Variants in C16orf96 observed in about 807,000 individuals in gnomAD.
The protein encoded by C16orf96 is chromosome 16 open reading frame 96.
In C16orf96, 108 loss-of-function variants were observed where a neutral mutation model predicts 103.6. The ratio of observed to expected loss-of-function variants is 1.04; its 90% confidence interval spans 0.89 to 1.22. C16orf96 has a LOEUF of 1.22. Among genes scored for constraint, C16orf96 ranks in the 50% most tolerant of loss-of-function variants. The probability of loss-of-function intolerance (pLI) is 0.00; values close to 1 mark genes in which losing one functional copy is unlikely to be tolerated. For missense variants in C16orf96, 1,586 were observed against 1,464.2 expected (o/e 1.08, Z -1.36); for synonymous variants, 566 against 593.5 (o/e 0.95, Z 0.67).
rs1240998730 is a variant in C16orf96 at position 4,600,115 on chromosome 16, C to T, written c.3224C>T (p.Ser1075Phe). Residue 1075 changes from serine to phenylalanine, a missense_variant, in exon 16 of 16, where the codon TCC becomes TTC. Transcript: ENST00000444310. ...GAICPPLCPRSSACSAASGPH... is the reference protein window; with the variant it reads ...GAICPPLCPRFSACSAASGPH... ...CCCTCCCCAGCCCTGTGCCCCCGCT[C>T]CAGTGCCTGCTCAGCTGCCTCGGGC... 1.3e-6 allele frequency: 2 copies of T among 1,551,746 alleles called. No homozygotes were observed. The highest frequency in any genetic ancestry group is 2.0e-5 in the Admixed American group (1 of 51,018).
At position 4,592,368 on chromosome 16, in the gene C16orf96, G is replaced by C. The variant is rs201096343; in HGVS notation, c.2774+1G>C. 1 of 1,551,592 alleles carries C rather than the reference G, an allele frequency of 6.4e-7. No homozygotes were observed. Among genetic ancestry groups the C allele is most frequent in the Non-Finnish European group, 8.7e-7 (1 of 1,146,984 alleles). Reference sequence around the variant, plus strand: ...GGCCTGTGGAGATGATGACTGGCCCGTGAGTACCACCGCCCAGGGTGCCCC... The same window carrying C: ...GGCCTGTGGAGATGATGACTGGCCCCTGAGTACCACCGCCCAGGGTGCCCC... On this transcript the variant is annotated splice_donor_variant, in intron 11 of 15. Transcript: ENST00000444310. LOFTEE classifies it high-confidence loss of function.
At position 4,575,996 on chromosome 16, in the gene C16orf96, G is replaced by T. The variant is rs1421510984; in HGVS notation, c.1516G>T (p.Asp506Tyr). Reference protein sequence around the residue: ...DVDPKDRAHKDDVPKDRGGKD... With the variant: ...DVDPKDRAHKYDVPKDRGGKD... ...GGACCCCAAGGATAGAGCTCACAAG[G>T]ATGATGTCCCCAAAGATAGAGGTGG... The change falls in exon 5 of 16, where the codon GAT (aspartate) becomes TAT (tyrosine). Residue 506 changes from aspartate (D) to tyrosine (Y), a missense_variant. Physicochemically the swap from Asp to Tyr is radical, Grantham distance 160 (BLOSUM62 -3). Coordinates refer to ENST00000444310, the MANE Select transcript of C16orf96 (RefSeq NM_001145011.2). The T allele has an allele frequency of 1.9e-6, 3 of 1,550,168 alleles. No individual in the cohort carries two copies. The East Asian group carries it at 7.3e-5, about 38-fold the overall frequency.
At chr16:4,547,689 C>CTTTCT in the C16orf96 span, among the ~76,000 whole-genome samples, 65 of 22,590 alleles carry the variant, frequency 2.9e-3, 2 homozygotes, top group African/African-American at 6.3e-3. Flanking sequence ...TCCTTCCTTC[C>CTTTCT]TTCTTTCTTT....
chr16:4,566,342 A>G (rs1239085740), intron 1 of C16orf96, among the ~76,000 whole-genome samples: 1 of 152,202 alleles, frequency 6.6e-6, no homozygotes, highest in African/African-American at 2.4e-5. Flanking sequence ...AACAGCACTT[A>G]GTATCTGACT....
At chr16:4,558,045 G>A (rs770164355) in intron 1 of C16orf96, among the ~76,000 whole-genome samples, 6 of 152,202 alleles carry the variant, frequency 3.9e-5, no homozygotes, top group African/African-American at 1.2e-4. Context: ...GAACAGGCAC[G>A]CCCGGCCTAG....
chr16:4,576,006 C>T lies in C16orf96; in HGVS notation c.1526C>T (p.Pro509Leu), dbSNP rs1344696055. ...PKDRAHKDDV[P>L]KDRGGKDVDP... ...GATAGAGCTCACAAGGATGATGTCC[C>T]CAAAGATAGAGGTGGCAAGGATGTG... is the stretch of plus-strand genomic sequence containing the variant. Residue 509 changes from proline to leucine, a missense_variant, in exon 5 of 16, where the codon CCC becomes CTC. Coordinates refer to ENST00000444310, the MANE Select transcript of C16orf96 (RefSeq NM_001145011.2). 1 of 1,550,900 alleles carries T rather than the reference C, an allele frequency of 6.4e-7. No individual in the cohort carries two copies. The highest frequency in any genetic ancestry group is 1.4e-5 in the African/African-American group (1 of 72,946).
intron 7 of C16orf96, among the ~76,000 whole-genome samples, chr16:4,581,141 C>CACATAT (rs71402548): frequency 2.1e-5 from 1 of 46,752 alleles, no homozygotes; most frequent in African/African-American, 5.7e-5. Context: ...TATATGTATA[C>CACATAT]ATATATATAT....
chr16:4,580,039 G>C lies in C16orf96; in HGVS notation c.2266G>C (p.Gly756Arg). 6.4e-7 allele frequency: 1 copy of C among 1,551,206 alleles called. No individual in the cohort carries two copies. Among genetic ancestry groups the C allele is most frequent in the African/African-American group, 1.4e-5 (1 of 73,112 alleles). The change falls in exon 7 of 16, where the codon GGC (glycine) becomes CGC (arginine). Residue 756 changes from glycine to arginine, a missense_variant. Gly to Arg is a moderately radical substitution (Grantham distance 125). Transcript: ENST00000444310. ...LKEEELERIW[G>R]NQIEMMKDRY... Reference sequence around the variant, plus strand: ...GGAGGAAGAACTTGAGAGAATTTGGGGCAACCAAATAGAGATGATGAAGGA... The same window carrying C: ...GGAGGAAGAACTTGAGAGAATTTGGCGCAACCAAATAGAGATGATGAAGGA...
rs2059493648 is a variant in C16orf96 at position 4,575,534 on chromosome 16, C to A, written c.1054C>A (p.Pro352Thr). Residue 352 changes from proline (P) to threonine (T), a missense_variant, in exon 5 of 16, where the codon CCT (proline) becomes ACT (threonine). Pro to Thr is a conservative substitution (Grantham distance 38). Transcript: ENST00000444310. ...LELEPVPALGPVPGPSVTPGS... is the reference protein window; with the variant it reads ...LELEPVPALGTVPGPSVTPGS... ...GCTGGAGCCTGTGCCTGCCCTGGGG[C>A]CTGTCCCAGGGCCCAGTGTGACACC... The A allele has an allele frequency of 1.3e-6, 2 of 1,543,734 alleles. No individual in the cohort carries two copies. The highest frequency in any genetic ancestry group is 1.7e-6 in the Non-Finnish European group (2 of 1,145,442).
In C16orf96 at chr16:4,556,792, G is replaced by A. The variant is rs1196888233; in HGVS notation, c.303G>A (p.Leu101=). 1 of 1,551,642 alleles carries A rather than the reference G, an allele frequency of 6.4e-7. No individual in the cohort carries two copies. Among genetic ancestry groups the A allele is most frequent in the Middle Eastern group, 1.7e-4 (1 of 5,992 alleles). ...ACCAGCTGGCCCTGCTGCAGGACCTGCCCTCCACTGCCCAGCTGCTGGAAG... is the reference window on the plus strand; with the variant it reads ...ACCAGCTGGCCCTGCTGCAGGACCTACCCTCCACTGCCCAGCTGCTGGAAG... ...LENQLALLQD[L]PSTAQLLEAS... is the part of the protein sequence containing the mutation. The change falls in exon 1 of 16, where the codon CTG becomes CTA. Residue 101 remains leucine (L), a synonymous_variant. Coordinates refer to ENST00000444310, the MANE Select transcript of C16orf96 (RefSeq NM_001145011.2).
intron 1 of C16orf96, 23 bp downstream of exon 1, chr16:4,556,932 C>T (rs746879944): frequency 6.6e-7 from 1 of 1,517,222 alleles, no homozygotes; most frequent in South Asian, 1.2e-5. Context: ...CCTCCAGACA[C>T]TTCTTTTCCT....
chr16:4,547,662 TTCC>T, the C16orf96 span, among the ~76,000 whole-genome samples: 1 of 112,880 alleles, frequency 8.9e-6, no homozygotes, highest in Non-Finnish European at 1.8e-5. Context: ...CCTTCCTTCC[TTCC>T]TTCCTTGCTT....
intron 7 of C16orf96, among the ~76,000 whole-genome samples, chr16:4,584,378 C>T (rs1231291471): frequency 1.3e-3 from 6 of 4,496 alleles, no homozygotes; most frequent in Admixed American, 3.5e-3. Flanking sequence ...GATACAGTCT[C>T]GCTCTGTCGC....
chr16:4,591,572 G>A, intron 9 of C16orf96, 94 bp from the exon 10 acceptor site: 3 of 1,005,306 alleles, frequency 3.0e-6, no homozygotes, highest in South Asian at 2.8e-5. Context: ...GTTACACCGT[G>A]TAACTTCCCA....
At chr16:4,567,799 G>A (rs143903390) in intron 1 of C16orf96, among the ~76,000 whole-genome samples, 571 of 138,856 alleles carry the variant, frequency 4.1e-3, no homozygotes, top group Non-Finnish European at 6.3e-3. Context: ...CTGGGTTCAA[G>A]CAGTTCTCCT....
chr16:4,555,946 G>A (rs981406953), upstream of C16orf96, among the ~76,000 whole-genome samples: 3 of 151,768 alleles, frequency 2.0e-5, no homozygotes, highest in Middle Eastern at 3.4e-3. Flanking sequence ...CAGTCCTCCC[G>A]CCTTTGCCTC....
Position 4,599,358 on chromosome 16 carries a change from T to G in C16orf96, c.3202T>G (p.Cys1068Gly), listed in dbSNP as rs974753446. 3 of 1,551,388 alleles carry G rather than the reference T, an allele frequency of 1.9e-6. No individual in the cohort carries two copies. In the African/African-American group the frequency reaches 4.1e-5, roughly 21 times the overall value. The change falls in exon 15 of 16, where the codon TGC becomes GGC. Residue 1068 changes from cysteine (C) to glycine (G), a missense_variant. Transcript: ENST00000444310. The stretch of plus-strand genomic sequence containing the variant: ...CTCCAGTGCCCTATTTGGCGCCATC[T>G]GCCCCCGTGAGTACCTGGTTCCCAG... ...VHSSALFGAI[C>G]PPLCPRSSAC...
chr16:4,566,104 C>T lies in C16orf96; in HGVS notation c.421-5457C>T, dbSNP rs188818947. 7.6e-4 allele frequency among the ~76,000 whole-genome samples: 116 copies of T among 152,338 alleles called. 1 individual carries two copies. Among genetic ancestry groups the T allele is most frequent in the African/African-American group, 2.8e-3 (115 of 41,580 alleles). ...TCAAGCACTCTTCCACCTTGGCCTCCGAAAGCAGTCGGATTACAGACGTGA... is the reference window on the plus strand; with the variant it reads ...TCAAGCACTCTTCCACCTTGGCCTCTGAAAGCAGTCGGATTACAGACGTGA... On this transcript the variant is annotated intron_variant, in intron 1 of 15. Coordinates refer to ENST00000444310, the MANE Select transcript of C16orf96 (RefSeq NM_001145011.2).
chr16:4,600,014 C>T (rs1897250032), intron 15 of C16orf96, 86 bp from the exon 16 acceptor site: 1 of 1,310,860 alleles, frequency 7.6e-7, no homozygotes, highest in Non-Finnish European at 1.1e-6. Context: ...GGCTTCTCTT[C>T]TCTTTAGTGG....
Sources: gnomAD v4.1 joint callset for allele counts (sites outside exome capture counted in the v4.1 genomes callset) on GRCh38, gnomAD v4.1.1 for gene constraint, MANE v1.5 for transcripts, NCBI Gene and HGNC (gene_info 2026-07-23, HGNC 2026-07-21) for gene names.